Variants in MUCL1 observed in about 807,000 individuals in gnomAD.
The protein encoded by MUCL1 is mucin-like protein 1.
A neutral mutation model predicts 9.2 loss-of-function variants in MUCL1; 11 were observed. The observed-to-expected ratio is 1.19, with a 90% CI of 0.75 to 1.97. The LOEUF (loss-of-function observed/expected upper bound fraction) is 1.97. MUCL1 is among the 30% of genes most tolerant of loss of function. The probability of loss-of-function intolerance (pLI) is 0.00; values close to 1 mark genes in which losing one functional copy is unlikely to be tolerated. For synonymous variants in MUCL1, 48 were observed against 40.5 expected, an observed-to-expected ratio of 1.19 and a Z score of -0.71; for missense variants, 144 against 110.9, an observed-to-expected ratio of 1.30 and a Z score of -1.34.
upstream of MUCL1, among the ~76,000 whole-genome samples, chr12:54,850,083 G>T (rs1367757841): frequency 6.6e-6 from 1 of 152,176 alleles, no homozygotes. Context: ...CTTCAGGGAG[G>T]AGGGCTCTTT....
chr12:54,847,780 T>C (rs1175279542), intron 1 of MUCL1, among the ~76,000 whole-genome samples: 3 of 152,202 alleles, frequency 2.0e-5, no homozygotes, highest in Non-Finnish European at 2.9e-5. Context: ...TGAAGATGTA[T>C]TTAATTTGAG....
At chr12:54,835,040 G>T (rs1382246353), upstream of MUCL1, among the ~76,000 whole-genome samples, 2 of 152,014 alleles carry the variant, frequency 1.3e-5, no homozygotes, top group East Asian at 1.9e-4. Flanking sequence ...TAGAATAATG[G>T]CTTCCAGCTC....
At chr12:54,852,175 G>A (rs368928257), upstream of MUCL1, among the ~76,000 whole-genome samples, 15 of 151,948 alleles carry the variant, frequency 9.9e-5, no homozygotes, top group Non-Finnish European at 1.9e-4. Flanking sequence ...TCATATGGAA[G>A]CAAAAAAGAG....
upstream of MUCL1, among the ~76,000 whole-genome samples, chr12:54,835,684 C>A (rs1191760103): frequency 6.6e-6 from 1 of 150,884 alleles, no homozygotes; most frequent in Non-Finnish European, 1.5e-5. Flanking sequence ...TTCAACTTTT[C>A]CCCGTTCAGT....
chr12:54,836,905 G>A (rs755417789), upstream of MUCL1, among the ~76,000 whole-genome samples: 1 of 152,034 alleles, frequency 6.6e-6, no homozygotes, highest in Non-Finnish European at 1.5e-5. Flanking sequence ...GGTTCTTTTT[G>A]GAGTTTATTT....
chr12:54,841,865 C>T (rs1315131595), intron 1 of MUCL1, among the ~76,000 whole-genome samples: 2 of 151,958 alleles, frequency 1.3e-5, no homozygotes, highest in Non-Finnish European at 2.9e-5. Flanking sequence ...TGGTATCATA[C>T]CCAAAAAATT....
chr12:54,831,068 T>C (rs986372091), intron 1 of MUCL1, among the ~76,000 whole-genome samples: 1 of 152,194 alleles, frequency 6.6e-6, no homozygotes, highest in African/African-American at 2.4e-5. Flanking sequence ...TGAGAGGCAA[T>C]TATTTTATAT....
At chr12:54,854,431 G>A (rs754578218), upstream of MUCL1, 1 of 595,076 alleles carries the variant, frequency 1.7e-6, no homozygotes, top group Non-Finnish European at 2.9e-6. Context: ...AACGTTTCCT[G>A]GCATTACCTA....
At chr12:54,855,792 G>T (rs770906674) in intron 2 of MUCL1, among the ~76,000 whole-genome samples, 6 of 152,216 alleles carry the variant, frequency 3.9e-5, no homozygotes, top group Non-Finnish European at 7.3e-5. Context: ...AGTTAAGGGG[G>T]TCTGTCTTTA....
chr12:54,851,834 G>A (rs1391166838), upstream of MUCL1, among the ~76,000 whole-genome samples: 1 of 152,054 alleles, frequency 6.6e-6, no homozygotes, highest in Non-Finnish European at 1.5e-5. Context: ...AAATCAATGT[G>A]CAAAAATCAC....
At chr12:54,836,784 T>G (rs754345149), upstream of MUCL1, among the ~76,000 whole-genome samples, 21 of 152,232 alleles carry the variant, frequency 1.4e-4, no homozygotes, top group Non-Finnish European at 2.6e-4. Flanking sequence ...CTTGTGCAAC[T>G]ATTATCATTC....
In MUCL1 at chr12:54,842,163, C is replaced by T. The variant is rs143163398; in HGVS notation, c.43+2716C>T. Reference sequence around the variant, plus strand: ...TTTTCCTGTTCATTTGTATTTTATCCCTCCATTTATTTTGGATAGTTCCTG... The same window carrying T: ...TTTTCCTGTTCATTTGTATTTTATCTCTCCATTTATTTTGGATAGTTCCTG... On this transcript the variant is annotated intron_variant, in intron 1 of 3. Transcript: ENST00000546809. Among the ~76,000 whole-genome samples, 918 of 151,926 alleles carry T rather than the reference C, an allele frequency of 6.0e-3. 4 individuals are homozygous for T. The highest frequency in any genetic ancestry group is 0.027 in the Middle Eastern group (8 of 292).
intron 1 of MUCL1, among the ~76,000 whole-genome samples, chr12:54,839,944 C>T (rs1278666067): frequency 1.3e-5 from 2 of 152,174 alleles, no homozygotes; most frequent in East Asian, 1.9e-4. Flanking sequence ...CTTAGAGTCG[C>T]TTTTCACAAG....
chr12:54,837,978 T>C (rs1230267957), upstream of MUCL1, among the ~76,000 whole-genome samples: 1 of 152,210 alleles, frequency 6.6e-6, no homozygotes, highest in Non-Finnish European at 1.5e-5. Context: ...TCATATTGAT[T>C]GTTACCTTGA....
Position 54,854,524 on chromosome 12 carries a change from G to T in MUCL1, c.-59G>T. The T allele has an allele frequency of 7.1e-7, 1 of 1,406,874 alleles. No homozygotes were observed. The highest frequency in any genetic ancestry group is 1.0e-6 in the Non-Finnish European group (1 of 1,000,890). The allele number at this position is 1,406,874 out of a possible 1,614,324, so 87.1% of individuals were successfully genotyped here. A position where few individuals can be genotyped will look rare whatever the true frequency, so the allele number is the denominator to read the frequency against. On this transcript the variant is annotated 5_prime_UTR_variant, in exon 1 of 4. Coordinates refer to ENST00000308796, the MANE Select transcript of MUCL1 (RefSeq NM_058173.3). Reference sequence around the variant, plus strand: ...TGTGGAATCCTGAAGTCAGCGCCTTGCCTTCTCTTAGGCTTTGAAGCATTT... The same window carrying T: ...TGTGGAATCCTGAAGTCAGCGCCTTTCCTTCTCTTAGGCTTTGAAGCATTT...
chr12:54,857,073 C>T (rs995237236), intron 3 of MUCL1, among the ~76,000 whole-genome samples, 181 bp downstream of exon 3: 5 of 151,958 alleles, frequency 3.3e-5, no homozygotes, highest in African/African-American at 1.2e-4. Context: ...AGGAGGTTAC[C>T]TGACTCCTAG....
chr12:54,831,720 T>C (rs1959185666), intron 1 of MUCL1, among the ~76,000 whole-genome samples: 1 of 152,154 alleles, frequency 6.6e-6, no homozygotes. Context: ...CTTGCTTTTA[T>C]ACAGTATAAA....
chr12:54,836,591 C>T (rs1453748142), upstream of MUCL1, among the ~76,000 whole-genome samples: 1 of 151,984 alleles, frequency 6.6e-6, no homozygotes, highest in Non-Finnish European at 1.5e-5. Context: ...CAGTTCTGTT[C>T]TGATCTTTAT....
upstream of MUCL1, among the ~76,000 whole-genome samples, chr12:54,838,343 G>T (rs530345507): frequency 5.3e-5 from 8 of 152,282 alleles, no homozygotes; most frequent in Non-Finnish European, 7.4e-5. Flanking sequence ...TGATGCTTTT[G>T]TCTCACTGCT....
Sources: allele counts gnomAD v4.1 joint callset (sites outside exome capture counted in the v4.1 genomes callset), GRCh38; gene constraint gnomAD v4.1.1; transcripts MANE v1.5; gene names NCBI Gene and HGNC (gene_info 2026-07-23, HGNC 2026-07-21).